Variants in NDE1 observed in about 807,000 individuals in gnomAD.
NDE1 encodes the protein nuclear distribution protein nudE homolog 1.
NDE1 carries 28 observed loss-of-function variants against 43.4 expected under a neutral mutation model. The ratio of observed to expected loss-of-function variants is 0.65; its 90% CI spans 0.48 to 0.89. The LOEUF (loss-of-function observed/expected upper bound fraction) is 0.89, where lower values mean the gene tolerates loss of function less well. Ranked by LOEUF, NDE1 falls within the 40% of genes least tolerant of loss-of-function variation. The pLI, the probability that NDE1 is intolerant of heterozygous loss-of-function variation, is 0.00. For synonymous variants in NDE1, 184 were observed against 172.0 expected (o/e 1.07, Z -0.55); for missense variants, 441 against 434.1 (o/e 1.02, Z -0.14).
chr16:15,707,959 C>CAAAAAA (rs59081092), intron 8 of NDE1, among the ~76,000 whole-genome samples: 1 of 115,968 alleles, frequency 8.6e-6, no homozygotes, highest in Non-Finnish European at 1.8e-5. Context: ...GACTCCGTCT[C>CAAAAAA]AAAAAAAAAA....
chr16:15,703,004 C>G (rs2039272573), intron 8 of NDE1, among the ~76,000 whole-genome samples: 1 of 152,142 alleles, frequency 6.6e-6, no homozygotes, highest in Admixed American at 6.6e-5. Context: ...TTTCACCTCT[C>G]TAGGCCTCAG....
intron 1 of NDE1, among the ~76,000 whole-genome samples, chr16:15,663,336 T>C (rs1179113401): frequency 6.6e-6 from 1 of 151,754 alleles, no homozygotes; most frequent in Non-Finnish European, 1.5e-5. Context: ...ACCTCCCAGG[T>C]TCAAGTGATT....
intron 2 of NDE1, among the ~76,000 whole-genome samples, chr16:15,666,644 C>T (rs2037323589): frequency 6.6e-6 from 1 of 152,140 alleles, no homozygotes; most frequent in Non-Finnish European, 1.5e-5. Flanking sequence ...GAGTCAGGGT[C>T]TCACTCTGTC....
upstream of NDE1, chr16:15,649,245 G>A (rs575470694): frequency 1.2e-4 from 19 of 152,224 alleles, no homozygotes; most frequent in Admixed American, 1.2e-3. Flanking sequence ...TACATATATT[G>A]TACTTACTAA....
At chr16:15,663,190 C>A (rs1290482889) in intron 1 of NDE1, among the ~76,000 whole-genome samples, 2 of 152,058 alleles carry the variant, frequency 1.3e-5, no homozygotes, top group Non-Finnish European at 1.5e-5. Context: ...TGTTTCTCCT[C>A]ATTCCTTCTT....
chr16:15,705,125 G>A (rs1882706), intron 8 of NDE1, among the ~76,000 whole-genome samples: 3,472 of 152,198 alleles, frequency 0.023, 140 homozygotes, highest in African/African-American at 0.079. Context: ...CTACATGCAC[G>A]TGCACACTGC....
intron 3 of NDE1, 58 bp from the exon 4 acceptor site, chr16:15,677,743 G>A (rs975599030): frequency 6.2e-7 from 1 of 1,601,424 alleles, no homozygotes; most frequent in East Asian, 2.2e-5. Flanking sequence ...GTGTGCTACT[G>A]TGTCTAGCCT....
At chr16:15,668,133 G>A (rs1024385946) in intron 3 of NDE1, among the ~76,000 whole-genome samples, 4 of 152,138 alleles carry the variant, frequency 2.6e-5, no homozygotes, top group African/African-American at 9.7e-5. Flanking sequence ...GGAGGCTGAG[G>A]TGGGCAGATC....
intron 6 of NDE1, among the ~76,000 whole-genome samples, 170 bp from the exon 7 acceptor site, chr16:15,693,995 G>A (rs900737755): frequency 1.3e-5 from 2 of 152,166 alleles, no homozygotes; most frequent in African/African-American, 2.4e-5. Flanking sequence ...GTTGTCATAC[G>A]GGCCTTGGGT....
chr16:15,708,109 T>G (rs977601117), intron 8 of NDE1, among the ~76,000 whole-genome samples: 2 of 152,102 alleles, frequency 1.3e-5, no homozygotes, highest in African/African-American at 4.8e-5. Context: ...CAGAAAAGGC[T>G]CTGCCAGGAC....
At chr16:15,666,048 G>T (rs968967559) in intron 2 of NDE1, among the ~76,000 whole-genome samples, 2 of 152,024 alleles carry the variant, frequency 1.3e-5, no homozygotes, top group African/African-American at 2.4e-5. Flanking sequence ...GAGCCACCAC[G>T]CCCGGTGTCC....
At chr16:15,654,471 T>A (rs1009424976) in intron 1 of NDE1, among the ~76,000 whole-genome samples, 2 of 151,454 alleles carry the variant, frequency 1.3e-5, no homozygotes, top group Non-Finnish European at 2.9e-5. Flanking sequence ...CGTGGTGGCA[T>A]GCACCTGTAA....
chr16:15,683,134 A>G (rs2038268218), intron 4 of NDE1, among the ~76,000 whole-genome samples: 1 of 152,070 alleles, frequency 6.6e-6, no homozygotes, highest in Non-Finnish European at 1.5e-5. Context: ...AGCATGAGCC[A>G]CTGTGCCCAG....
chr16:15,692,226 C>T (rs930212445), intron 6 of NDE1, among the ~76,000 whole-genome samples: 4 of 152,170 alleles, frequency 2.6e-5, no homozygotes, highest in Admixed American at 6.5e-5. Flanking sequence ...GTGCTGTCCC[C>T]GTTTGATGAA....
In NDE1 at chr16:15,721,806, C is replaced by T. The variant is rs2040500631; in HGVS notation, c.948-2385C>T. 4.4e-6 allele frequency: 3 copies of T among 679,576 alleles called. No homozygotes were observed. The Admixed American group carries it at 7.6e-5, about 17-fold the overall frequency. The allele number at this position is 679,576 out of a possible 1,614,324, so 42.1% of individuals were successfully genotyped here. A position where few individuals can be genotyped will look rare whatever the true frequency, so the allele number is the denominator to read the frequency against. ...TAATCATCTGGCGTTCTGACTTCTA[C>T]ATCAACCTTATGCAGAGCCAGAAAT... On this transcript the variant is annotated intron_variant, in intron 8 of 8. Coordinates refer to ENST00000396354, the MANE Select transcript of NDE1 (RefSeq NM_017668.3).
rs868418083 is a variant in NDE1, at chr16:15,676,544, A to G, written c.238-1257A>G. Among the ~76,000 whole-genome samples the G allele has an allele frequency of 1.3e-5, 2 of 152,062 alleles. 1 individual carries two copies. The highest frequency in any genetic ancestry group is 1.3e-4 in the Admixed American group (2 of 15,232). On this transcript the variant is annotated intron_variant, in intron 3 of 8. Transcript: ENST00000396354. ...ATGTTTTTAAATAACCTAGAGATCA[A>G]ACTGTTCCTTTTTTCTCCATGTCAC... is the stretch of plus-strand genomic sequence containing the variant.
Position 15,650,271 on chromosome 16 carries a change from G to T in NDE1, c.-67G>T, listed in dbSNP as rs1258124497. ...CAGCCGCCTCTGCCGCCGCCGCCGC[G>T]TTGGCCTCGCCGCCCCTGCTCGGGT... On this transcript the variant is annotated 5_prime_UTR_variant, in exon 1 of 9. Coordinates refer to ENST00000396354, the MANE Select transcript of NDE1 (RefSeq NM_017668.3). 2.9e-5 allele frequency: 9 copies of T among 311,300 alleles called. No homozygotes were observed. Among genetic ancestry groups the T allele is most frequent in the Non-Finnish European group, 6.0e-5 (9 of 150,974 alleles). The allele number at this position is 311,300 out of a possible 1,614,324, so 19.3% of individuals were successfully genotyped here.
chr16:15,666,168 G>C (rs895913676), intron 2 of NDE1, among the ~76,000 whole-genome samples: 4 of 152,076 alleles, frequency 2.6e-5, no homozygotes, highest in Non-Finnish European at 4.4e-5. Context: ...TATTGCTAAA[G>C]ATTTTAAGAT....
intron 8 of NDE1, among the ~76,000 whole-genome samples, chr16:15,716,463 G>T (rs953276800): frequency 6.6e-6 from 1 of 152,146 alleles, no homozygotes; most frequent in Non-Finnish European, 1.5e-5. Context: ...AATTAAGAAG[G>T]CTTCCAGTGT....
Sources: allele counts gnomAD v4.1 joint callset (sites outside exome capture counted in the v4.1 genomes callset), GRCh38; gene constraint gnomAD v4.1.1; transcripts MANE v1.5; gene names NCBI Gene and HGNC (gene_info 2026-07-23, HGNC 2026-07-21).